Variants in PTPRR observed in about 807,000 individuals in gnomAD.
The protein encoded by PTPRR is receptor-type tyrosine-protein phosphatase R.
PTPRR carries 38 observed loss-of-function variants against 77.2 expected under a neutral mutation model. The ratio of observed to expected loss-of-function variants is 0.49; its 90% confidence interval spans 0.38 to 0.65. PTPRR has a LOEUF of 0.65. PTPRR is among the 30% of genes least tolerant of loss of function. The pLI is 0.00. For missense variants in PTPRR, 744 were observed against 799.2 expected (o/e 0.93, Z 0.83); for synonymous variants, 299 against 283.1 (o/e 1.06, Z -0.57).
intron 10 of PTPRR, among the ~76,000 whole-genome samples, chr12:70,679,405 A>G (rs920968479): frequency 6.6e-6 from 1 of 152,126 alleles, no homozygotes; most frequent in African/African-American, 2.4e-5. Context: ...GTTAGGTCCA[A>G]TTGGTCTATT....
At chr12:70,720,521 T>C (rs2136844260) in intron 6 of PTPRR, among the ~76,000 whole-genome samples, 1 of 151,550 alleles carries the variant, frequency 6.6e-6, no homozygotes, top group East Asian at 1.9e-4. Context: ...TTTTTTTTTT[T>C]TTTTTTTTGA....
At chr12:70,686,655 T>C (rs576537244) in intron 8 of PTPRR, among the ~76,000 whole-genome samples, 11 of 152,156 alleles carry the variant, frequency 7.2e-5, no homozygotes, top group Admixed American at 1.3e-4. Context: ...GGCCATATTT[T>C]GAGGGCACTC....
intron 8 of PTPRR, among the ~76,000 whole-genome samples, chr12:70,690,566 G>C (rs1190164627): frequency 1.3e-5 from 2 of 152,204 alleles, no homozygotes; most frequent in Admixed American, 1.3e-4. Flanking sequence ...GATTAGTTCA[G>C]TCTGGATAGC....
At chr12:70,663,306 G>A (rs1224016599) in intron 10 of PTPRR, among the ~76,000 whole-genome samples, 2 of 152,154 alleles carry the variant, frequency 1.3e-5, no homozygotes, top group Non-Finnish European at 1.5e-5. Flanking sequence ...TGGTTAAGGC[G>A]CAGGCTTTGA....
At chr12:70,780,407 T>C (rs1891179131) in intron 2 of PTPRR, among the ~76,000 whole-genome samples, 1 of 152,138 alleles carries the variant, frequency 6.6e-6, no homozygotes, top group Admixed American at 6.6e-5. Context: ...GTTTTAAAAT[T>C]TACCTTTCTA....
intron 1 of PTPRR, among the ~76,000 whole-genome samples, chr12:70,918,742 C>A (rs1893811099): frequency 6.6e-6 from 1 of 152,010 alleles, no homozygotes. Flanking sequence ...GTTGGCAGAC[C>A]AGCTAAATCA....
chr12:70,895,967 C>A lies in PTPRR; in HGVS notation c.59-2990G>T, dbSNP rs540878740. Among the ~76,000 whole-genome samples, 28 of 151,746 alleles carry A rather than the reference C, an allele frequency of 1.8e-4. No individual in the cohort carries two copies. The East Asian group carries it at 4.7e-3, about 25-fold the overall frequency. ...TCTCCTATCAATACCTGACCCTGGACTCAGATGCAGGTGTAGAAGCGCAAG... is the reference window on the plus strand; with the variant it reads ...TCTCCTATCAATACCTGACCCTGGAATCAGATGCAGGTGTAGAAGCGCAAG... On this transcript the variant is annotated intron_variant, in intron 1 of 13. Coordinates refer to ENST00000283228, the MANE Select transcript of PTPRR (RefSeq NM_002849.4).
At chr12:70,745,666 G>T in intron 6 of PTPRR, 152 bp downstream of exon 6, 1 of 899,520 alleles carries the variant, frequency 1.1e-6, no homozygotes, top group Non-Finnish European at 1.7e-6. Flanking sequence ...GGATTCCTTT[G>T]GGAGACAAGA....
intron 2 of PTPRR, among the ~76,000 whole-genome samples, chr12:70,869,224 G>C (rs117666720): frequency 1.3e-5 from 2 of 152,050 alleles, no homozygotes; most frequent in African/African-American, 2.4e-5. Context: ...TGTATTTTTA[G>C]ACAATAGAAT....
chr12:70,851,054 A>G lies in PTPRR; in HGVS notation c.357+41625T>C, dbSNP rs561888395. Among the ~76,000 whole-genome samples the G allele has an allele frequency of 1.1e-4, 17 of 152,316 alleles. 1 individual carries two copies. In the South Asian group the frequency reaches 3.3e-3, roughly 30 times the overall value. ...AGGTATTGTTCTAAATATGTTATAC[A>G]TAAGTCATTTGATTTAATTCTCATG... On this transcript the variant is annotated intron_variant, in intron 2 of 13. Coordinates refer to ENST00000283228, the MANE Select transcript of PTPRR (RefSeq NM_002849.4).
chr12:70,667,171 T>G (rs1887042597), intron 10 of PTPRR, among the ~76,000 whole-genome samples: 1 of 151,994 alleles, frequency 6.6e-6, no homozygotes, highest in Non-Finnish European at 1.5e-5. Context: ...TTAGCCAGGA[T>G]AGTCTCGATC....
chr12:70,731,050 CAGAG>C (rs149551682), intron 6 of PTPRR, among the ~76,000 whole-genome samples: 675 of 54,864 alleles, frequency 0.012, 10 homozygotes, highest in African/African-American at 0.04. Flanking sequence ...AGGAAGGAGA[CAGAG>C]AGGAAGGAAG....
intron 1 of PTPRR, among the ~76,000 whole-genome samples, chr12:70,907,193 T>C (rs1281470818): frequency 1.3e-5 from 2 of 152,198 alleles, no homozygotes; most frequent in Non-Finnish European, 2.9e-5. Flanking sequence ...AATACATCTA[T>C]AATAAAAATA....
chr12:70,672,362 C>CA, intron 10 of PTPRR: 2 of 1,389,176 alleles, frequency 1.4e-6, no homozygotes, highest in Non-Finnish European at 2.0e-6. Flanking sequence ...TGAGATGGTC[C>CA]TCCCATCAGA....
chr12:70,714,163 G>A (rs1565661298), intron 6 of PTPRR, among the ~76,000 whole-genome samples: 9 of 151,916 alleles, frequency 5.9e-5, no homozygotes. Context: ...TACTGTTCTA[G>A]TCTCACTTCA....
intron 2 of PTPRR, among the ~76,000 whole-genome samples, chr12:70,773,682 T>C (rs749853026): frequency 6.6e-6 from 1 of 152,200 alleles, no homozygotes; most frequent in Non-Finnish European, 1.5e-5. Flanking sequence ...TTTCTCAGCA[T>C]GTCACAGAAA....
intron 10 of PTPRR, among the ~76,000 whole-genome samples, chr12:70,666,784 T>C (rs1178780510): frequency 6.6e-6 from 1 of 152,010 alleles, no homozygotes; most frequent in Admixed American, 6.5e-5. Context: ...AACTATATGA[T>C]CTAGAACTCC....
chr12:70,855,209 T>C (rs1357343753), intron 2 of PTPRR, among the ~76,000 whole-genome samples: 1 of 152,192 alleles, frequency 6.6e-6, no homozygotes, highest in African/African-American at 2.4e-5. Flanking sequence ...TTTCAGTTTA[T>C]CCTTGTTTTT....
Position 70,884,457 on chromosome 12 carries a change from C to G in PTPRR, c.357+8222G>C, listed in dbSNP as rs1235595184. 2.6e-5 allele frequency among the ~76,000 whole-genome samples: 4 copies of G among 152,180 alleles called. No homozygotes were observed. In the South Asian group the frequency reaches 8.3e-4, roughly 32 times the overall value. ...GAACAGTTCTTAACAACTGGAAAAC[C>G]AAAGGCAATTTTAGAGAGAACTGAA... On this transcript the variant is annotated intron_variant, in intron 2 of 13. Coordinates refer to ENST00000283228, the MANE Select transcript of PTPRR (RefSeq NM_002849.4).
Sources: allele counts gnomAD v4.1 joint callset (sites outside exome capture counted in the v4.1 genomes callset), GRCh38; gene constraint gnomAD v4.1.1; transcripts MANE v1.5; gene names NCBI Gene and HGNC (gene_info 2026-07-23, HGNC 2026-07-21).